MTOR: variants seen among roughly 807,000 people sequenced by gnomAD.
MTOR encodes mechanistic target of rapamycin kinase, also known as serine/threonine-protein kinase mTOR.
MTOR carries 70 observed loss-of-function variants against 319.8 expected under a neutral mutation model. The observed-to-expected ratio is 0.22, with a 90% CI of 0.18 to 0.27. MTOR has a LOEUF of 0.27. MTOR is among the 10% of genes least tolerant of loss of function. The probability of loss-of-function intolerance (pLI) is 1.00; values close to 1 mark genes in which losing one functional copy is unlikely to be tolerated. For synonymous variants in MTOR, 1,183 were observed against 1,211.4 expected, an observed-to-expected ratio of 0.98 and a Z score of 0.49; for missense variants, 1,890 against 3,274.4, an observed-to-expected ratio of 0.58 and a Z score of 10.32.
chr1:11,189,939 C>A, intron 28 of MTOR: 1 of 1,610,936 alleles, frequency 6.2e-7, no homozygotes, highest in South Asian at 1.1e-5. Flanking sequence ...CACAGACGGT[C>A]ACTCAGACCT....
chr1:11,230,450 C>T (rs1395662545), intron 18 of MTOR, among the ~76,000 whole-genome samples: 1 of 152,120 alleles, frequency 6.6e-6, no homozygotes, highest in Non-Finnish European at 1.5e-5. Context: ...TTGGGCCAGA[C>T]CATTTCACGG....
At chr1:11,195,562 T>C (rs567852782) in intron 28 of MTOR, 1 of 154,980 alleles carries the variant, frequency 6.5e-6, no homozygotes, top group South Asian at 2.0e-4. Context: ...AACACAAAAA[T>C]TGTTCGGCTG....
chr1:11,119,285 G>A (rs1642366248), intron 49 of MTOR, among the ~76,000 whole-genome samples: 1 of 151,968 alleles, frequency 6.6e-6, no homozygotes, highest in East Asian at 1.9e-4. Context: ...ACAAAAGAGT[G>A]GCCGGGAACG....
At chr1:11,140,996 AAAAG>A (rs200433548) in intron 34 of MTOR, among the ~76,000 whole-genome samples, 7,496 of 151,544 alleles carry the variant, frequency 0.049, 257 homozygotes, top group South Asian at 0.12. Flanking sequence ...AAAAAAAAAA[AAAAG>A]ACTGTTGAGA....
At chr1:11,108,419 AT>A (rs1641682732) in intron 56 of MTOR, 133 bp from the exon 57 acceptor site, 2 of 761,562 alleles carry the variant, frequency 2.6e-6, no homozygotes, top group Non-Finnish European at 4.3e-6. Flanking sequence ...TCATAGTTGG[AT>A]TTGAAAAGTT....
chr1:11,140,044 C>T (rs1313009262), intron 34 of MTOR, among the ~76,000 whole-genome samples: 6 of 151,982 alleles, frequency 3.9e-5, no homozygotes, highest in Non-Finnish European at 7.4e-5. Context: ...AGGCTGCTCT[C>T]GAACTCCTGA....
chr1:11,173,026 C>A (rs1644872980), intron 28 of MTOR, among the ~76,000 whole-genome samples: 1 of 151,442 alleles, frequency 6.6e-6, no homozygotes, highest in Non-Finnish European at 1.5e-5. Flanking sequence ...CCGAGTCTCA[C>A]TCTGTCACCC....
chr1:11,126,665 T>A lies in MTOR; in HGVS notation c.6483A>T (p.Gln2161His), dbSNP rs1642855661. 3.1e-6 allele frequency: 5 copies of A among 1,613,816 alleles called. No individual in the cohort carries two copies. Among genetic ancestry groups the A allele is most frequent in the African/African-American group, 1.3e-5 (1 of 74,816 alleles). The change falls in exon 46 of 58, where the codon CAA becomes CAT. Residue 2161 changes from glutamine to histidine, a missense_variant. Around this residue, in one of 15 missense-constraint regions of MTOR, gnomAD observed 249 missense variants for 596.2 expected, o/e 0.42. Transcript: ENST00000361445. ...GGGGCCTCTGCTTGGATGTGATGAC[T>A]TGCAAAGACGGTGCTATGGACTGAA... is the stretch of plus-strand genomic sequence containing the variant. ...IRIQSIAPSLQVITSKQRPRK... is the reference protein window; with the variant it reads ...IRIQSIAPSLHVITSKQRPRK...
intron 29 of MTOR, among the ~76,000 whole-genome samples, chr1:11,160,534 T>C (rs973238246): frequency 3.3e-5 from 5 of 152,204 alleles, no homozygotes; most frequent in African/African-American, 1.2e-4. Context: ...GGCTCTAATG[T>C]CAGACTGCCC....
In MTOR at chr1:11,109,165, CTT is replaced by C. The variant is rs1256005006; in HGVS notation, c.7528+123_7528+124del. On this transcript the variant is annotated intron_variant, in intron 56 of 57. Coordinates refer to ENST00000361445, the MANE Select transcript of MTOR (RefSeq NM_004958.4). This position sits in a 1 kb window ranked among gnomAD's most constrained non-coding sequence, Gnocchi z 4.0. ...TTTAACTGATGACCTCAAAGACACT[CTT>C]TGTCAGCTGCATGGTGCCAAAGCTC... 11 of 762,122 alleles carry C rather than the reference CTT, an allele frequency of 1.4e-5. No homozygotes were observed. The highest frequency in any genetic ancestry group is 1.0e-4 in the Admixed American group (4 of 39,632). The allele number at this position is 762,122 out of a possible 1,614,324, so 47.2% of individuals were successfully genotyped here. A position where few individuals can be genotyped will look rare whatever the true frequency, so the allele number is the denominator to read the frequency against.
intron 36 of MTOR, among the ~76,000 whole-genome samples, chr1:11,138,297 G>A (rs534363739): frequency 1.6e-4 from 24 of 152,076 alleles, no homozygotes; most frequent in Non-Finnish European, 3.5e-4. Context: ...CACAGAGACT[G>A]AAAAATAAAA....
Position 11,212,592 on chromosome 1 carries a change from AT to A in MTOR, c.3399-119del. 1 of 1,285,854 alleles carries A rather than the reference AT, an allele frequency of 7.8e-7. No individual in the cohort carries two copies. Among genetic ancestry groups the A allele is most frequent in the African/African-American group, 1.5e-5 (1 of 67,018 alleles). 79.7% of individuals were successfully genotyped at this position (1,285,854 alleles called of 1,614,324 possible). A position where few individuals can be genotyped will look rare whatever the true frequency, so the allele number is the denominator to read the frequency against. On this transcript the variant is annotated intron_variant, in intron 22 of 57. Coordinates refer to ENST00000361445, the MANE Select transcript of MTOR (RefSeq NM_004958.4). This position sits in a 1 kb window ranked among gnomAD's most constrained non-coding sequence, Gnocchi z 4.1. ...GATGGGAATGAACGGCTTCTAAGGT[AT>A]TTTGGATGACATGGATCCAACATTT...
At position 11,231,282 on chromosome 1, in the gene MTOR, G is replaced by C. The variant is rs1246241784; in HGVS notation, c.2649+18C>G. 1 of 1,613,696 alleles carries C rather than the reference G, an allele frequency of 6.2e-7. No individual in the cohort carries two copies. Among genetic ancestry groups the C allele is most frequent in the Non-Finnish European group, 8.5e-7 (1 of 1,179,808 alleles). Reference sequence around the variant, plus strand: ...TCCCAGCAAAGTCTTTAAAGACCAAGTTTGCCACGTCCCCTACCTCTCTGC... The same window carrying C: ...TCCCAGCAAAGTCTTTAAAGACCAACTTTGCCACGTCCCCTACCTCTCTGC... On this transcript the variant is annotated intron_variant, in intron 17 of 57. Transcript: ENST00000361445.
Position 11,126,728 on chromosome 1 carries a change from C to G in MTOR, c.6420G>C (p.Val2140=), listed in dbSNP as rs753882242. ...LLMCRDLELA[V]PGTYDPNQPI... ...GCTGGTTGGGGTCATATGTTCCTGG[C>G]ACAGCCAATTCAAGGTCCCGGCACA... The change falls in exon 46 of 58, where the codon GTG becomes GTC. Residue 2140 remains valine, a synonymous_variant. Transcript: ENST00000361445. 6.2e-7 allele frequency: 1 copy of G among 1,614,028 alleles called. No individual in the cohort carries two copies. The highest frequency in any genetic ancestry group is 1.1e-5 in the South Asian group (1 of 91,080).
chr1:11,147,067 G>C (rs1054217257), intron 31 of MTOR, among the ~76,000 whole-genome samples: 3 of 152,196 alleles, frequency 2.0e-5, no homozygotes, highest in Non-Finnish European at 4.4e-5. Context: ...TGAGTGTGAA[G>C]TCTGCACATC....
intron 18 of MTOR, 111 bp downstream of exon 18, chr1:11,230,814 G>T: frequency 6.9e-7 from 1 of 1,449,944 alleles, no homozygotes; most frequent in Non-Finnish European, 9.5e-7. Flanking sequence ...TGCTACACGA[G>T]CCAATATCCT....
intron 8 of MTOR, among the ~76,000 whole-genome samples, chr1:11,246,835 AAATTTTACCTCT>A (rs1314160464): frequency 6.6e-6 from 1 of 152,232 alleles, no homozygotes. Context: ...AGAGCATTAT[AAATTTTACCTCT>A]ACCCTATTTC....
intron 54 of MTOR, among the ~76,000 whole-genome samples, chr1:11,111,979 C>CAAACA (rs1435695783): frequency 1.3e-5 from 2 of 151,370 alleles, no homozygotes; most frequent in Non-Finnish European, 2.9e-5. Context: ...AACAAACAAA[C>CAAACA]AAAAAAACCC....
At chr1:11,123,307 A>G (rs541458065) in intron 47 of MTOR, among the ~76,000 whole-genome samples, 8 of 152,160 alleles carry the variant, frequency 5.3e-5, no homozygotes, top group African/African-American at 1.9e-4. Flanking sequence ...CCTAGGCTCG[A>G]GCACAGTTGC....
Sources: gnomAD v4.1 joint callset for allele counts (sites outside exome capture counted in the v4.1 genomes callset) on GRCh38, gnomAD v4.1.1 for gene constraint, gnomAD v4.1.1 regional missense constraint, Gnocchi (gnomAD v3.1) non-coding constraint, MANE v1.5 for transcripts, NCBI Gene and HGNC (gene_info 2026-07-23, HGNC 2026-07-21) for gene names.